The following UST variants were observed in gnomAD, a reference collection of about 807,000 sequenced individuals.
UST encodes uronyl 2-sulfotransferase, also known as chondroitin sulfate 2-O-sulfotransferase.
Under a neutral mutation model 45.6 loss-of-function variants are expected in UST, and 21 were observed. The ratio of observed to expected loss-of-function variants is 0.46; its 90% CI spans 0.33 to 0.66. The LOEUF (loss-of-function observed/expected upper bound fraction) is 0.66, where lower values mean the gene tolerates loss of function less well. UST is among the 30% of genes least tolerant of loss of function. The pLI, the probability that UST is intolerant of heterozygous loss-of-function variation, is 0.02. For missense variants in UST, 463 were observed against 512.4 expected, an observed-to-expected ratio of 0.90 and a Z score of 0.93; for synonymous variants, 215 against 200.6, an observed-to-expected ratio of 1.07 and a Z score of -0.61.
At chr6:149,011,443 C>G (rs1007650976) in intron 5 of UST, among the ~76,000 whole-genome samples, 1 of 151,958 alleles carries the variant, frequency 6.6e-6, no homozygotes, top group African/African-American at 2.4e-5. Context: ...ATTTAATTGT[C>G]CATTTTAAAA....
intron 1 of UST, among the ~76,000 whole-genome samples, chr6:148,835,090 T>C (rs944526535): frequency 6.6e-6 from 1 of 152,130 alleles, no homozygotes; most frequent in African/African-American, 2.4e-5. Context: ...TCAGGTTCTG[T>C]GTCTGTGGAT....
At chr6:149,063,808 G>T (rs1776692992) in intron 7 of UST, among the ~76,000 whole-genome samples, 1 of 152,196 alleles carries the variant, frequency 6.6e-6, no homozygotes, top group Admixed American at 6.5e-5. Context: ...GATAAATGGG[G>T]TATCGCTTTT....
At chr6:148,929,189 C>A (rs1332315435) in intron 2 of UST, among the ~76,000 whole-genome samples, 2 of 152,164 alleles carry the variant, frequency 1.3e-5, no homozygotes, top group African/African-American at 4.8e-5. Flanking sequence ...TATCCATTCT[C>A]CCACAGCCTC....
intron 3 of UST, among the ~76,000 whole-genome samples, chr6:148,948,331 CAG>C (rs1780290308): frequency 1.3e-5 from 2 of 152,208 alleles, no homozygotes; most frequent in Non-Finnish European, 2.9e-5. Flanking sequence ...ATGAGTGACA[CAG>C]AATTCACTTA....
chr6:148,919,659 A>G (rs75392023), intron 2 of UST, among the ~76,000 whole-genome samples: 4,968 of 152,326 alleles, frequency 0.033, 280 homozygotes, highest in African/African-American at 0.11. Context: ...GTCTTCTGAA[A>G]ACTGTTATTC....
At chr6:149,016,407 G>A (rs903132853) in intron 5 of UST, among the ~76,000 whole-genome samples, 1 of 152,176 alleles carries the variant, frequency 6.6e-6, no homozygotes, top group African/African-American at 2.4e-5. Context: ...CAAAACCCTG[G>A]CAGGGTCAGC....
intron 7 of UST, among the ~76,000 whole-genome samples, chr6:149,056,122 T>TTTTC: frequency 4.6e-5 from 3 of 65,456 alleles, no homozygotes; most frequent in African/African-American, 1.3e-4. Context: ...CTTTTCTTTT[T>TTTTC]TTTTTTTTTT....
intron 7 of UST, among the ~76,000 whole-genome samples, chr6:149,042,228 C>T (rs911315286): frequency 2.0e-5 from 3 of 152,170 alleles, no homozygotes; most frequent in African/African-American, 7.2e-5. Context: ...TCATTTTAGG[C>T]ACTTTTTACT....
At chr6:148,777,782 G>C (rs967422000) in intron 1 of UST, among the ~76,000 whole-genome samples, 5 of 152,256 alleles carry the variant, frequency 3.3e-5, no homozygotes, top group Admixed American at 6.5e-5. Context: ...CCTGACCTTA[G>C]GTGATCTACC....
At chr6:148,829,752 G>T (rs2035448) in intron 1 of UST, among the ~76,000 whole-genome samples, 118,354 of 152,130 alleles carry the variant, frequency 0.78, 46,758 homozygotes, top group East Asian at 0.99. Context: ...GTTCTTTGTA[G>T]TCCTCTTCTT....
chr6:148,955,819 G>C (rs139183516), intron 4 of UST: 1 of 152,184 alleles, frequency 6.6e-6, no homozygotes, highest in Non-Finnish European at 1.5e-5. Context: ...CAACCAAACA[G>C]ATTGCAATGC....
intron 1 of UST, among the ~76,000 whole-genome samples, chr6:148,814,680 A>G (rs908370122): frequency 6.6e-6 from 1 of 152,170 alleles, no homozygotes; most frequent in Non-Finnish European, 1.5e-5. Flanking sequence ...GAAAAGCACG[A>G]TGATTATTTA....
chr6:149,062,155 G>T (rs1009326352), intron 7 of UST, among the ~76,000 whole-genome samples: 1 of 152,184 alleles, frequency 6.6e-6, no homozygotes, highest in Non-Finnish European at 1.5e-5. Context: ...ATTTGCAAGC[G>T]TTCTGTCACC....
In UST at chr6:148,872,591, G is replaced by A. The variant is rs572460025; in HGVS notation, c.248-14395G>A. On this transcript the variant is annotated intron_variant, in intron 1 of 7. Transcript: ENST00000367463. ...CAACTATTAACTTCCTATTGCTGCTGTAACAAATTACTATAAATGTAGTGG... is the reference window on the plus strand; with the variant it reads ...CAACTATTAACTTCCTATTGCTGCTATAACAAATTACTATAAATGTAGTGG... 1.1e-4 allele frequency among the ~76,000 whole-genome samples: 17 copies of A among 150,686 alleles called. No individual in the cohort carries two copies. The East Asian group carries it at 2.9e-3, about 26-fold the overall frequency.
At chr6:148,792,426 G>A (rs1271357825) in intron 1 of UST, among the ~76,000 whole-genome samples, 1 of 152,140 alleles carries the variant, frequency 6.6e-6, no homozygotes, top group Non-Finnish European at 1.5e-5. Flanking sequence ...AGTCGCCTGG[G>A]CCTGTGAACT....
intron 5 of UST, among the ~76,000 whole-genome samples, chr6:148,985,838 T>C (rs1781229105): frequency 6.6e-6 from 1 of 152,154 alleles, no homozygotes; most frequent in Non-Finnish European, 1.5e-5. Context: ...ACATACCATA[T>C]ACACAACCTA....
chr6:148,950,851 A>C (rs1197249713), intron 3 of UST, among the ~76,000 whole-genome samples: 1 of 152,212 alleles, frequency 6.6e-6, no homozygotes, highest in Non-Finnish European at 1.5e-5. Context: ...AGACTCTGAC[A>C]GCTTCCTAAC....
chr6:148,946,813 C>CAAAAA (rs60990121), intron 3 of UST, among the ~76,000 whole-genome samples: 2 of 56,820 alleles, frequency 3.5e-5, no homozygotes, highest in South Asian at 6.0e-4. Context: ...GACTCCATCC[C>CAAAAA]AAAAAAAAAA....
At chr6:149,061,844 G>T (rs1413695778) in intron 7 of UST, among the ~76,000 whole-genome samples, 1 of 152,204 alleles carries the variant, frequency 6.6e-6, no homozygotes, top group Non-Finnish European at 1.5e-5. Flanking sequence ...AGGTCAAATG[G>T]ATGTGATTGA....
Sources: gnomAD v4.1 joint callset for allele counts (sites outside exome capture counted in the v4.1 genomes callset) on GRCh38, gnomAD v4.1.1 for gene constraint, MANE v1.5 for transcripts, NCBI Gene and HGNC (gene_info 2026-07-23, HGNC 2026-07-21) for gene names.